Variants in GTF2F2 observed in about 807,000 individuals in gnomAD.
GTF2F2 encodes ATP-dependent helicase GTF2F2.
GTF2F2 carries 23 observed loss-of-function variants against 42.2 expected under a neutral mutation model. The ratio of observed to expected loss-of-function variants is 0.55; its 90% CI spans 0.39 to 0.77. The LOEUF (loss-of-function observed/expected upper bound fraction) is 0.77, where lower values mean the gene tolerates loss of function less well. GTF2F2 is among the 30% of genes least tolerant of loss of function. The pLI is 0.00. For missense variants in GTF2F2, 261 were observed against 287.2 expected, an observed-to-expected ratio of 0.91 and a Z score of 0.66; for synonymous variants, 105 against 100.8, an observed-to-expected ratio of 1.04 and a Z score of -0.25.
intron 5 of GTF2F2, among the ~76,000 whole-genome samples, chr13:45,211,516 A>AC (rs1245870621): frequency 6.6e-6 from 1 of 150,756 alleles, no homozygotes; most frequent in African/African-American, 2.4e-5. Context: ...TGATCCTCCT[A>AC]CCTCAGCCTC....
chr13:45,120,763 A>G, intron 1 of GTF2F2, 42 bp downstream of exon 1: 2 of 1,424,066 alleles, frequency 1.4e-6, no homozygotes, highest in Non-Finnish European at 1.9e-6. Context: ...TCCTAACACA[A>G]GTATAGTTTA....
At chr13:45,256,460 C>G (rs1876108864) in intron 6 of GTF2F2, among the ~76,000 whole-genome samples, 1 of 152,012 alleles carries the variant, frequency 6.6e-6, no homozygotes, top group African/African-American at 2.4e-5. Flanking sequence ...CATTTTAGTT[C>G]AAGATATCAA....
chr13:45,191,224 A>AAAAATATATATATATATATAT, intron 4 of GTF2F2, among the ~76,000 whole-genome samples: 1 of 75,312 alleles, frequency 1.3e-5, no homozygotes, highest in African/African-American at 1.0e-4. Flanking sequence ...ACAAAAAAAA[A>AAAAATATATATATATATATAT]ATATATATAT....
At chr13:45,207,013 C>CACACACAG (rs1212683061) in intron 4 of GTF2F2, 6 of 155,314 alleles carry the variant, frequency 3.9e-5, no homozygotes, top group African/African-American at 1.5e-4. Context: ...CAAACACACA[C>CACACACAG]ACACACACAC....
chr13:45,189,403 T>G (rs149570589), intron 4 of GTF2F2, among the ~76,000 whole-genome samples: 21 of 152,368 alleles, frequency 1.4e-4, no homozygotes, highest in Non-Finnish European at 2.6e-4. Context: ...TTTATAATCC[T>G]CTGGGTATGT....
At chr13:45,268,889 G>C (rs1204047324) in intron 7 of GTF2F2, among the ~76,000 whole-genome samples, 3 of 152,124 alleles carry the variant, frequency 2.0e-5, no homozygotes, top group Admixed American at 6.6e-5. Context: ...TTACTAGTGT[G>C]TCTTTTGGTT....
intron 5 of GTF2F2, among the ~76,000 whole-genome samples, chr13:45,234,052 A>G (rs537847082): frequency 1.3e-5 from 2 of 152,390 alleles, no homozygotes; most frequent in African/African-American, 2.4e-5. Flanking sequence ...AAAGATGGCC[A>G]TAAGCAACGC....
intron 7 of GTF2F2, among the ~76,000 whole-genome samples, chr13:45,276,732 C>T (rs1256060746): frequency 6.6e-6 from 1 of 152,148 alleles, no homozygotes; most frequent in African/African-American, 2.4e-5. Context: ...TGAGCCACCG[C>T]GCCCGGCCTA....
At chr13:45,266,224 T>G (rs1876555175) in intron 6 of GTF2F2, among the ~76,000 whole-genome samples, 1 of 152,178 alleles carries the variant, frequency 6.6e-6, no homozygotes, top group Non-Finnish European at 1.5e-5. Flanking sequence ...TATTTTTTAC[T>G]TCATGTTAAA....
intron 2 of GTF2F2, 53 bp from the exon 3 acceptor site, chr13:45,149,717 G>A: frequency 6.9e-7 from 1 of 1,442,674 alleles, no homozygotes; most frequent in African/African-American, 1.5e-5. Flanking sequence ...ACTCACATTT[G>A]AAAACAACAT....
intron 5 of GTF2F2, among the ~76,000 whole-genome samples, chr13:45,221,819 C>T (rs1874131194): frequency 6.6e-6 from 1 of 152,140 alleles, no homozygotes; most frequent in African/African-American, 2.4e-5. Flanking sequence ...TCTTCCACTA[C>T]ACATCTCATT....
Position 45,123,645 on chromosome 13 carries a change from AAAC to A in GTF2F2, c.66+2928_66+2930del, listed in dbSNP as rs1868804403. ...ACCCTATCTAAAAAGAAAAAAAAAA[AAAC>A]AACCAAAACCTACGGGCAGGACTGG... On this transcript the variant is annotated intron_variant, in intron 1 of 7. Transcript: ENST00000340473. Among the ~76,000 whole-genome samples, 3 of 151,372 alleles carry A rather than the reference AAAC, an allele frequency of 2.0e-5. No individual in the cohort carries two copies. In the South Asian group the frequency reaches 6.2e-4, roughly 31 times the overall value.
chr13:45,150,704 C>T (rs1161434838), intron 3 of GTF2F2, among the ~76,000 whole-genome samples: 4 of 128,590 alleles, frequency 3.1e-5, no homozygotes, highest in African/African-American at 6.7e-5. Context: ...CTGTCATGCC[C>T]GGCTAATTTT....
intron 5 of GTF2F2, among the ~76,000 whole-genome samples, chr13:45,223,582 A>T (rs1333398238): frequency 6.6e-6 from 1 of 152,104 alleles, no homozygotes; most frequent in Non-Finnish European, 1.5e-5. Flanking sequence ...TATTTGTGTT[A>T]TCATTAACGC....
intron 1 of GTF2F2, among the ~76,000 whole-genome samples, chr13:45,132,418 A>G (rs1244680192): frequency 6.6e-6 from 1 of 150,704 alleles, no homozygotes; most frequent in Non-Finnish European, 1.5e-5. Context: ...CTCTTGGCTA[A>G]AGCTTGTCAT....
At chr13:45,252,119 T>A (rs1182212079) in intron 5 of GTF2F2, among the ~76,000 whole-genome samples, 1 of 152,220 alleles carries the variant, frequency 6.6e-6, no homozygotes, top group Non-Finnish European at 1.5e-5. Context: ...CATGGTGGCA[T>A]ATATTTTCAA....
Position 45,213,074 on chromosome 13 carries a change from A to C in GTF2F2, c.386+5569A>C, listed in dbSNP as rs184825204. Among the ~76,000 whole-genome samples, 41 of 131,714 alleles carry C rather than the reference A, an allele frequency of 3.1e-4. 1 individual carries two copies. The South Asian group carries it at 3.4e-3, about 11-fold the overall frequency. 86.4% of individuals were successfully genotyped at this position (131,714 alleles called of 152,430 possible). On this transcript the variant is annotated intron_variant, in intron 5 of 7. Transcript: ENST00000340473. The stretch of plus-strand genomic sequence containing the variant: ...TTTATTTATTTATTTATTTATTCTT[A>C]TTCTTCTTCTTATTATTTTTTTGAG...
At chr13:45,213,947 A>G (rs1873795388) in intron 5 of GTF2F2, among the ~76,000 whole-genome samples, 3 of 152,232 alleles carry the variant, frequency 2.0e-5, no homozygotes, top group African/African-American at 7.2e-5. Flanking sequence ...TTCAAAATAT[A>G]AAGAAATGAA....
intron 4 of GTF2F2, among the ~76,000 whole-genome samples, chr13:45,169,101 C>T (rs1189940505): frequency 1.3e-5 from 2 of 151,734 alleles, no homozygotes; most frequent in East Asian, 1.9e-4. Flanking sequence ...GTGATCCGAT[C>T]GCCTCGGCCT....
Sources: allele counts gnomAD v4.1 joint callset (sites outside exome capture counted in the v4.1 genomes callset), GRCh38; gene constraint gnomAD v4.1.1; transcripts MANE v1.5; gene names NCBI Gene and HGNC (gene_info 2026-07-23, HGNC 2026-07-21).